The following EML5 variants were observed in gnomAD, a reference collection of about 807,000 sequenced individuals.
EML5 encodes the protein EMAP like 5.
In EML5, 120 loss-of-function variants were observed where a neutral mutation model predicts 250.0. The observed-to-expected ratio is 0.48, with a 90% CI of 0.41 to 0.56. The LOEUF is 0.56. EML5 is among the 20% of genes least tolerant of loss of function. EML5 has a pLI of 0.00. For missense variants in EML5, 2,006 were observed against 2,437.6 expected, an observed-to-expected ratio of 0.82 and a Z score of 3.73; for synonymous variants, 771 against 806.5, an observed-to-expected ratio of 0.96 and a Z score of 0.75.
At chr14:88,719,736 TC>T (rs1357264857) in intron 8 of EML5, among the ~76,000 whole-genome samples, 2 of 152,062 alleles carry the variant, frequency 1.3e-5, no homozygotes. Flanking sequence ...AAAAGGACTT[TC>T]CAATGCTACT....
intron 21 of EML5, among the ~76,000 whole-genome samples, chr14:88,673,675 CAA>C (rs1431231320): frequency 1.3e-5 from 2 of 152,218 alleles, no homozygotes. Context: ...GCAACTTCAG[CAA>C]AGTCAAAGGA....
chr14:88,697,613 G>A (rs2093109302), intron 14 of EML5, among the ~76,000 whole-genome samples: 1 of 152,064 alleles, frequency 6.6e-6, no homozygotes, highest in Non-Finnish European at 1.5e-5. Context: ...TATTCCTCTA[G>A]ACTCAAGTAA....
At chr14:88,639,221 A>G (rs2090919408) in intron 31 of EML5, among the ~76,000 whole-genome samples, 1 of 152,222 alleles carries the variant, frequency 6.6e-6, no homozygotes, top group Non-Finnish European at 1.5e-5. Flanking sequence ...GTACTCCTGG[A>G]CTGACCCAGA....
chr14:88,657,754 A>T (rs950266220), intron 26 of EML5, among the ~76,000 whole-genome samples: 1 of 152,180 alleles, frequency 6.6e-6, no homozygotes, highest in African/African-American at 2.4e-5. Context: ...TTCTTAAAAA[A>T]ATATTAGCTA....
intron 8 of EML5, among the ~76,000 whole-genome samples, chr14:88,719,673 C>A (rs2093559452): frequency 6.9e-6 from 1 of 144,372 alleles, no homozygotes. Context: ...ATGATATGAG[C>A]TTTTTTTTTT....
At chr14:88,790,780 A>C (rs1318125992) in intron 1 of EML5, among the ~76,000 whole-genome samples, 1 of 152,174 alleles carries the variant, frequency 6.6e-6, no homozygotes, top group Admixed American at 6.5e-5. Flanking sequence ...TTAGGGAAAA[A>C]GACAAGACAC....
chr14:88,706,475 T>C (rs919281884), intron 10 of EML5, 49 bp from the exon 11 acceptor site: 29 of 1,340,896 alleles, frequency 2.2e-5, no homozygotes, highest in Non-Finnish European at 2.7e-5. Flanking sequence ...CTAAACAAAA[T>C]ACCATTTCAA....
At chr14:88,786,394 T>C (rs1003314674) in intron 1 of EML5, among the ~76,000 whole-genome samples, 6 of 152,246 alleles carry the variant, frequency 3.9e-5, no homozygotes, top group African/African-American at 1.4e-4. Context: ...CAATTTTATC[T>C]GTTTGGTTCA....
chr14:88,713,286 G>A (rs1328687313), intron 9 of EML5, among the ~76,000 whole-genome samples: 1 of 151,934 alleles, frequency 6.6e-6, no homozygotes, highest in East Asian at 1.9e-4. Flanking sequence ...CAGCTACTCG[G>A]GAGGCTGAGG....
At chr14:88,649,576 A>G (rs1012812912) in intron 28 of EML5, among the ~76,000 whole-genome samples, 7 of 152,258 alleles carry the variant, frequency 4.6e-5, no homozygotes, top group Non-Finnish European at 1.0e-4. Flanking sequence ...TAACAGGTTT[A>G]AAATTGAATA....
At position 88,792,946 on chromosome 14, in the gene EML5, G is replaced by GCGAGCCGAGCCGAGCCGAGC. The variant is rs760126982; in HGVS notation, c.-444_-443insGCTCGGCTCGGCTCGGCTCG. Among the ~76,000 whole-genome samples, 1 of 151,534 alleles carries GCGAGCCGAGCCGAGCCGAGC rather than the reference G, an allele frequency of 6.6e-6. No individual in the cohort carries two copies. On this transcript the variant is annotated 5_prime_UTR_variant, in exon 1 of 44. Transcript: ENST00000554922. This position sits in a 1 kb window ranked among gnomAD's most constrained non-coding sequence, Gnocchi z 6.9. Reference sequence around the variant, plus strand: ...CCCGCGCCGCGCACCCCGAAACCGAGCGAGCCGAGCCGAGCCGAGCCGAGC... The same window carrying GCGAGCCGAGCCGAGCCGAGC: ...CCCGCGCCGCGCACCCCGAAACCGAGCGAGCCGAGCCGAGCCGAGCCGAGCCGAGCCGAGCCGAGCCGAGC...
chr14:88,730,064 T>C (rs1409786801), intron 7 of EML5, among the ~76,000 whole-genome samples: 4 of 152,136 alleles, frequency 2.6e-5, no homozygotes, highest in African/African-American at 9.7e-5. Context: ...TGTATTACCA[T>C]ATAGTGACAT....
chr14:88,689,742 AAG>A (rs988058759), intron 17 of EML5, among the ~76,000 whole-genome samples: 2 of 152,096 alleles, frequency 1.3e-5, no homozygotes, highest in African/African-American at 2.4e-5. Flanking sequence ...TCCAAACAAA[AAG>A]AGAGAGAGAG....
At chr14:88,716,379 T>C (rs1425466658) in intron 8 of EML5, among the ~76,000 whole-genome samples, 1 of 152,184 alleles carries the variant, frequency 6.6e-6, no homozygotes, top group Non-Finnish European at 1.5e-5. Flanking sequence ...CATAGACTCA[T>C]ACAGCTGCCT....
At chr14:88,711,916 C>T (rs2093414458) in intron 10 of EML5, among the ~76,000 whole-genome samples, 1 of 150,092 alleles carries the variant, frequency 6.7e-6, no homozygotes, top group Admixed American at 6.7e-5. Context: ...GCACTCCAGC[C>T]TGGGCAACAG....
intron 1 of EML5, among the ~76,000 whole-genome samples, chr14:88,765,116 T>C (rs964919131): frequency 2.7e-4 from 38 of 142,132 alleles, no homozygotes; most frequent in Admixed American, 8.4e-4. Context: ...TTTTCTATGC[T>C]GATGTCACAA....
chr14:88,710,280 A>T (rs753920839), intron 10 of EML5, among the ~76,000 whole-genome samples: 9 of 152,236 alleles, frequency 5.9e-5, no homozygotes, highest in Non-Finnish European at 1.3e-4. Flanking sequence ...TCATATGATC[A>T]TTCTCTCTTT....
At chr14:88,781,240 G>A (rs2094494931) in intron 1 of EML5, among the ~76,000 whole-genome samples, 1 of 152,194 alleles carries the variant, frequency 6.6e-6, no homozygotes. Flanking sequence ...AGAAGCTGGT[G>A]TGTTCTGTCA....
At chr14:88,721,479 T>C (rs898275894) in intron 8 of EML5, among the ~76,000 whole-genome samples, 1 of 152,196 alleles carries the variant, frequency 6.6e-6, no homozygotes, top group African/African-American at 2.4e-5. Flanking sequence ...TACAACCATC[T>C]GATCTTCAAC....
Sources: allele counts gnomAD v4.1 joint callset (sites outside exome capture counted in the v4.1 genomes callset), GRCh38; gene constraint gnomAD v4.1.1; non-coding constraint Gnocchi (gnomAD v3.1); transcripts MANE v1.5; gene names NCBI Gene and HGNC (gene_info 2026-07-23, HGNC 2026-07-21).